Variants in FOXO3 observed in about 807,000 individuals in gnomAD.
The protein encoded by FOXO3 is forkhead box O3.
A neutral mutation model predicts 41.9 loss-of-function variants in FOXO3; 4 were observed. The ratio of observed to expected loss-of-function variants is 0.10; its 90% CI spans 0.05 to 0.22. The LOEUF is 0.22. Among genes scored for constraint, FOXO3 ranks in the 10% least tolerant of loss-of-function variants. FOXO3 has a pLI of 1.00. For synonymous variants in FOXO3, 318 were observed against 389.3 expected (o/e 0.82, Z 2.16); for missense variants, 534 against 906.8 (o/e 0.59, Z 5.28).
intron 1 of FOXO3, among the ~76,000 whole-genome samples, chr6:108,574,381 C>T (rs928972654): frequency 2.0e-5 from 3 of 151,878 alleles, no homozygotes; most frequent in Non-Finnish European, 2.9e-5. Context: ...GGGGCCTTAT[C>T]GCAGAAATTT....
intron 1 of FOXO3, among the ~76,000 whole-genome samples, chr6:108,636,577 G>A (rs560066280): frequency 9.2e-5 from 14 of 152,170 alleles, no homozygotes; most frequent in African/African-American, 2.9e-4. Flanking sequence ...TCAGGAAGGC[G>A]GTGACTAGAC....
intron 2 of FOXO3, among the ~76,000 whole-genome samples, chr6:108,671,775 C>G: frequency 6.6e-6 from 1 of 152,164 alleles, no homozygotes; most frequent in East Asian, 1.9e-4. Context: ...AAAGGGATCA[C>G]AGTTACCTGT....
rs1184432752 is a variant in FOXO3, at chr6:108,663,883, C to T, written c.1050C>T (p.Ser350=). 5.6e-6 allele frequency: 9 copies of T among 1,614,194 alleles called. No homozygotes were observed. The highest frequency in any genetic ancestry group is 1.7e-5 in the Admixed American group (1 of 60,028). Reference sequence around the variant, plus strand: ...CTCTCTCGCCCATGCTCTACAGCAGCTCAGCCAGCCTGTCACCTTCAGTAA... The same window carrying T: ...CTCTCTCGCCCATGCTCTACAGCAGTTCAGCCAGCCTGTCACCTTCAGTAA... The part of the protein sequence containing the change: ...DAPLSPMLYS[S]SASLSPSVSK... The change falls in exon 2 of 3, where the codon AGC becomes AGT. Residue 350 remains serine, a synonymous_variant. Coordinates refer to ENST00000406360, the MANE Select transcript of FOXO3 (RefSeq NM_001455.4).
chr6:108,575,984 C>A (rs921097526), intron 1 of FOXO3, among the ~76,000 whole-genome samples: 4 of 152,082 alleles, frequency 2.6e-5, no homozygotes. Context: ...TGTCATAGGC[C>A]TGATTATTTT....
upstream of FOXO3, among the ~76,000 whole-genome samples, chr6:108,560,340 C>G (rs1189708953): frequency 6.6e-6 from 1 of 152,188 alleles, no homozygotes; most frequent in East Asian, 1.9e-4. Context: ...ACGACGTCCG[C>G]GAGAATGCAA....
At chr6:108,632,256 T>G (rs1232696662) in intron 1 of FOXO3, among the ~76,000 whole-genome samples, 1 of 152,166 alleles carries the variant, frequency 6.6e-6, no homozygotes, top group Non-Finnish European at 1.5e-5. Context: ...CTTAAATTTG[T>G]TTTTGGAAGC....
chr6:108,584,722 T>A (rs2802291), intron 1 of FOXO3, among the ~76,000 whole-genome samples: 149,371 of 152,280 alleles, frequency 0.98, 73,330 homozygotes, highest in East Asian at 1. Context: ...CCAATTTTGG[T>A]TGATACTGAG....
chr6:108,576,735 G>T (rs1434460133), intron 1 of FOXO3, among the ~76,000 whole-genome samples: 4 of 152,214 alleles, frequency 2.6e-5, no homozygotes, highest in Non-Finnish European at 5.9e-5. Flanking sequence ...TGTTTGCCCT[G>T]TTGATGTGAG....
rs567810622 is a variant in FOXO3 at position 108,680,747 on chromosome 6, A to C, written c.*955A>C. On this transcript the variant is annotated 3_prime_UTR_variant, in exon 3 of 3. Coordinates refer to ENST00000406360, the MANE Select transcript of FOXO3 (RefSeq NM_001455.4). ...AAGGGTTTAGTTTTAAGGAGAAAGAAAAGGAAAAAAAAAAAAAACAAAAAA... is the reference window on the plus strand; with the variant it reads ...AAGGGTTTAGTTTTAAGGAGAAAGACAAGGAAAAAAAAAAAAAACAAAAAA... The C allele has an allele frequency of 3.0e-4, 24 of 79,262 alleles. No homozygotes were observed. The highest frequency in any genetic ancestry group is 6.7e-4 in the African/African-American group (24 of 36,080). 4.9% of individuals were successfully genotyped at this position (79,262 alleles called of 1,614,324 possible). A position where few individuals can be genotyped will look rare whatever the true frequency, so the allele number is the denominator to read the frequency against.
intron 1 of FOXO3, among the ~76,000 whole-genome samples, chr6:108,627,239 G>A (rs1221436567): frequency 6.6e-6 from 1 of 152,182 alleles, no homozygotes; most frequent in East Asian, 1.9e-4. Context: ...CTTTCTTGGG[G>A]CACTGAGGTG....
Position 108,594,664 on chromosome 6 carries a change from T to C in FOXO3, c.621+32835T>C, listed in dbSNP as rs1229227549. Among the ~76,000 whole-genome samples the C allele has an allele frequency of 1.3e-5, 2 of 152,220 alleles. 1 individual carries two copies. The highest frequency in any genetic ancestry group is 2.9e-5 in the Non-Finnish European group (2 of 68,032). On this transcript the variant is annotated intron_variant, in intron 1 of 2. Coordinates refer to ENST00000406360, the MANE Select transcript of FOXO3 (RefSeq NM_001455.4). ...TAGGTGGCAAATCTCAGGTCTGCCT[T>C]GCAGGGAGTGGCCCTGGTCTTTCCG...
At chr6:108,612,490 G>A (rs1156522009) in intron 1 of FOXO3, among the ~76,000 whole-genome samples, 2 of 151,930 alleles carry the variant, frequency 1.3e-5, no homozygotes, top group East Asian at 3.9e-4. Flanking sequence ...GACCAGCCTG[G>A]CCAAGATGGT....
At chr6:108,616,588 C>T (rs749921055) in intron 1 of FOXO3, among the ~76,000 whole-genome samples, 4 of 152,160 alleles carry the variant, frequency 2.6e-5, no homozygotes, top group African/African-American at 4.8e-5. Flanking sequence ...TGAGCCACTG[C>T]GCCCAGCCAT....
chr6:108,616,285 C>T (rs1777511268), intron 1 of FOXO3, among the ~76,000 whole-genome samples: 1 of 151,286 alleles, frequency 6.6e-6, no homozygotes, highest in Non-Finnish European at 1.5e-5. Flanking sequence ...CTACCTCAGC[C>T]TCCCGAGTAG....
At chr6:108,563,534 G>A (rs919708013) in intron 1 of FOXO3, among the ~76,000 whole-genome samples, 33 of 152,200 alleles carry the variant, frequency 2.2e-4, no homozygotes, top group African/African-American at 7.7e-4. Flanking sequence ...GGCGTAAGCG[G>A]ACAGGATCTG....
At chr6:108,654,478 T>C (rs1778631556) in intron 1 of FOXO3, among the ~76,000 whole-genome samples, 1 of 152,194 alleles carries the variant, frequency 6.6e-6, no homozygotes, top group African/African-American at 2.4e-5. Flanking sequence ...CTTTCTCCCC[T>C]TGGGAAAGCC....
At chr6:108,611,080 T>C (rs1777350225) in intron 1 of FOXO3, among the ~76,000 whole-genome samples, 1 of 148,338 alleles carries the variant, frequency 6.7e-6, no homozygotes, top group Admixed American at 6.6e-5. Flanking sequence ...TTCTAGAATT[T>C]CGTATAAATG....
intron 1 of FOXO3, chr6:108,618,318 C>A: frequency 3.1e-6 from 2 of 650,886 alleles, no homozygotes; most frequent in Non-Finnish European, 2.9e-6. Context: ...GCTGCCGCTT[C>A]ACAAAAGAGA....
intron 1 of FOXO3, among the ~76,000 whole-genome samples, chr6:108,609,123 T>C (rs1418074627): frequency 6.6e-6 from 1 of 152,168 alleles, no homozygotes; most frequent in Non-Finnish European, 1.5e-5. Context: ...TTCTTAAAGG[T>C]CTTTAAGATC....
Sources: allele counts gnomAD v4.1 joint callset (sites outside exome capture counted in the v4.1 genomes callset), GRCh38; gene constraint gnomAD v4.1.1; transcripts MANE v1.5; gene names NCBI Gene and HGNC (gene_info 2026-07-23, HGNC 2026-07-21).